The following HOOK3 variants were observed in gnomAD, a reference collection of about 807,000 sequenced individuals.
HOOK3 encodes the protein hook microtubule tethering protein 3.
In HOOK3, 24 loss-of-function variants were observed where a neutral mutation model predicts 116.3. The ratio of observed to expected loss-of-function variants is 0.21; its 90% CI spans 0.15 to 0.29. HOOK3 has a LOEUF of 0.29. Ranked by LOEUF, HOOK3 falls within the 10% of genes least tolerant of loss-of-function variation. The pLI, the probability that HOOK3 is intolerant of heterozygous loss-of-function variation, is 1.00. For synonymous variants in HOOK3, 275 were observed against 283.0 expected (o/e 0.97, Z 0.28); for missense variants, 632 against 830.2 (o/e 0.76, Z 2.93).
chr8:43,026,435 C>T lies in HOOK3; in HGVS notation c.*7937C>T, dbSNP rs189517933. ...ATCTTAGAGTCAGGAATCTAAAGGTCTAAGTCTAGAAATCTGTTGGAAGCT... is the reference window on the plus strand; with the variant it reads ...ATCTTAGAGTCAGGAATCTAAAGGTTTAAGTCTAGAAATCTGTTGGAAGCT... On this transcript the variant is annotated 3_prime_UTR_variant, in exon 22 of 22. Transcript: ENST00000307602. 4.8e-6 allele frequency: 1 copy of T among 207,012 alleles called. No homozygotes were observed. The highest frequency in any genetic ancestry group is 2.3e-5 in the African/African-American group (1 of 44,034). 12.8% of individuals were successfully genotyped at this position (207,012 alleles called of 1,614,324 possible).
At chr8:42,965,129 T>G (rs986602071) in intron 9 of HOOK3, among the ~76,000 whole-genome samples, 2 of 152,234 alleles carry the variant, frequency 1.3e-5, no homozygotes, top group African/African-American at 4.8e-5. Context: ...CGAGTTGACA[T>G]GATCACCAGA....
chr8:42,938,555 G>C (rs1409251335), intron 4 of HOOK3, among the ~76,000 whole-genome samples: 3 of 152,016 alleles, frequency 2.0e-5, no homozygotes, highest in African/African-American at 7.2e-5. Flanking sequence ...CATATTTAGT[G>C]CTTCCTTCAG....
chr8:42,958,211 A>G (rs1422326934), intron 7 of HOOK3, among the ~76,000 whole-genome samples: 1 of 152,210 alleles, frequency 6.6e-6, no homozygotes, highest in Admixed American at 6.5e-5. Flanking sequence ...CATGCAATAC[A>G]TGAATAGAAA....
rs1025488608 is a variant in HOOK3, at chr8:42,910,047, G to A, written c.143+3789G>A. 2.0e-5 allele frequency among the ~76,000 whole-genome samples: 3 copies of A among 152,120 alleles called. No homozygotes were observed. The East Asian group carries it at 5.8e-4, about 29-fold the overall frequency. The stretch of plus-strand genomic sequence containing the variant: ...TGGTGACCATAGTTGTTAATACTGT[G>A]TATTTTGCAATTCTGAGGGAGCAGA... On this transcript the variant is annotated intron_variant, in intron 2 of 21. Transcript: ENST00000307602.
rs180970995 is a variant in HOOK3, at chr8:43,022,364, C to T, written c.*3866C>T. 970 of 205,468 alleles carry T rather than the reference C, an allele frequency of 4.7e-3. 2 individuals carry two copies. The highest frequency in any genetic ancestry group is 7.2e-3 in the Non-Finnish European group (722 of 100,408). 12.7% of individuals were successfully genotyped at this position (205,468 alleles called of 1,614,324 possible). On this transcript the variant is annotated 3_prime_UTR_variant, in exon 22 of 22. Transcript: ENST00000307602. ...CGCATACAGCACCTTCCTGGGGCCA[C>T]GTTGGCTTGTGCAGTGGAGCTTGTC...
intron 5 of HOOK3, 50 bp downstream of exon 5, chr8:42,943,495 G>C: frequency 8.3e-6 from 10 of 1,207,392 alleles, no homozygotes; most frequent in South Asian, 2.7e-5. Context: ...AAGGAAAGTA[G>C]TGTATATTTT....
At chr8:42,936,987 C>G (rs1807983908) in intron 4 of HOOK3, among the ~76,000 whole-genome samples, 1 of 152,180 alleles carries the variant, frequency 6.6e-6, no homozygotes, top group Admixed American at 6.5e-5. Flanking sequence ...CTTTGTACCT[C>G]TGGTAGAATT....
chr8:42,988,652 C>T (rs1187690587), intron 15 of HOOK3, among the ~76,000 whole-genome samples: 1 of 146,054 alleles, frequency 6.8e-6, no homozygotes, highest in Non-Finnish European at 1.5e-5. Flanking sequence ...GTAATATTTA[C>T]TAAGCACCTG....
intron 14 of HOOK3, among the ~76,000 whole-genome samples, 168 bp from the exon 15 acceptor site, chr8:42,986,487 A>C (rs1373267299): frequency 6.6e-6 from 1 of 152,168 alleles, no homozygotes; most frequent in African/African-American, 2.4e-5. Context: ...CTGAAATGTA[A>C]TGTCTTTACC....
At chr8:42,991,107 T>A (rs560101940) in intron 15 of HOOK3, among the ~76,000 whole-genome samples, 1 of 152,316 alleles carries the variant, frequency 6.6e-6, no homozygotes, top group South Asian at 2.1e-4. Context: ...TGTAGGTGTA[T>A]AGATTTATCT....
At chr8:42,969,971 G>T (rs1808697872) in intron 11 of HOOK3, among the ~76,000 whole-genome samples, 1 of 152,072 alleles carries the variant, frequency 6.6e-6, no homozygotes, top group South Asian at 2.1e-4. Flanking sequence ...GTACTTTTAT[G>T]ATTTGTACTT....
chr8:42,937,653 T>A (rs570306230), intron 4 of HOOK3, among the ~76,000 whole-genome samples: 1 of 151,994 alleles, frequency 6.6e-6, no homozygotes, highest in Admixed American at 6.5e-5. Context: ...ATGTACCCAG[T>A]AGTCATTCAG....
intron 1 of HOOK3, among the ~76,000 whole-genome samples, chr8:42,898,228 A>G (rs894066219): frequency 2.0e-5 from 3 of 152,234 alleles, no homozygotes; most frequent in Admixed American, 6.5e-5. Context: ...ATTAATAAAA[A>G]TAGTCTGAGG....
chr8:43,015,640 G>A (rs1015137112), intron 21 of HOOK3, among the ~76,000 whole-genome samples: 5 of 152,192 alleles, frequency 3.3e-5, no homozygotes, highest in African/African-American at 9.6e-5. Flanking sequence ...AAACTATTCT[G>A]TCTCTTCCCT....
rs571429245 is a variant in HOOK3, at chr8:42,978,231, A to G, written c.1321+4037A>G. ...TAATACTCTGATATTCTTTCTTAAG[A>G]AGATATCAGATAACCATTTTCTTTT... On this transcript the variant is annotated intron_variant, in intron 13 of 21. Coordinates refer to ENST00000307602, the MANE Select transcript of HOOK3 (RefSeq NM_032410.4). 5.9e-5 allele frequency among the ~76,000 whole-genome samples: 9 copies of G among 152,250 alleles called. No individual in the cohort carries two copies. In the South Asian group the frequency reaches 1.9e-3, roughly 32 times the overall value.
intron 6 of HOOK3, among the ~76,000 whole-genome samples, chr8:42,953,832 TA>T (rs936383193): frequency 6.6e-6 from 1 of 152,146 alleles, no homozygotes; most frequent in African/African-American, 2.4e-5. Context: ...CTTCATTTTA[TA>T]AAAAGAAACA....
intron 2 of HOOK3, among the ~76,000 whole-genome samples, chr8:42,916,110 C>T (rs919174654): frequency 6.6e-6 from 1 of 152,182 alleles, no homozygotes; most frequent in African/African-American, 2.4e-5. Flanking sequence ...TGTTCCCTTC[C>T]CACTCTCCTC....
chr8:43,006,461 T>C (rs1254228705), intron 17 of HOOK3, among the ~76,000 whole-genome samples: 1 of 152,090 alleles, frequency 6.6e-6, no homozygotes, highest in Admixed American at 6.5e-5. Context: ...TAGCTGGGAC[T>C]ACAGGCAAAC....
chr8:43,004,105 C>T (rs969368979), intron 17 of HOOK3, among the ~76,000 whole-genome samples: 7 of 152,268 alleles, frequency 4.6e-5, no homozygotes, highest in Admixed American at 1.3e-4. Context: ...TGGTGGCTCA[C>T]GCCTGTAATC....
Sources: gnomAD v4.1 joint callset for allele counts (sites outside exome capture counted in the v4.1 genomes callset) on GRCh38, gnomAD v4.1.1 for gene constraint, MANE v1.5 for transcripts, NCBI Gene and HGNC (gene_info 2026-07-23, HGNC 2026-07-21) for gene names.